The following PPP3CA variants were observed in gnomAD, a reference collection of about 807,000 sequenced individuals.
The protein encoded by PPP3CA is protein phosphatase 3 catalytic subunit alpha.
A neutral mutation model predicts 66.5 loss-of-function variants in PPP3CA; 14 were observed. That is an observed-to-expected ratio of 0.21 (90% CI 0.14 to 0.33). The LOEUF (loss-of-function observed/expected upper bound fraction) is 0.33, where lower values mean the gene tolerates loss of function less well. Among genes scored for constraint, PPP3CA ranks in the 10% least tolerant of loss-of-function variants. The probability of loss-of-function intolerance (pLI) is 1.00; values close to 1 mark genes in which losing one functional copy is unlikely to be tolerated. For synonymous variants in PPP3CA, 232 were observed against 226.2 expected, an observed-to-expected ratio of 1.03 and a Z score of -0.23; for missense variants, 317 against 639.5, an observed-to-expected ratio of 0.50 and a Z score of 5.44.
chr4:101,190,997 T>C (rs1256013156), intron 2 of PPP3CA, among the ~76,000 whole-genome samples: 1 of 152,156 alleles, frequency 6.6e-6, no homozygotes, highest in Admixed American at 6.5e-5. Context: ...AATAGTGTAG[T>C]ATAATAGCTA....
intron 2 of PPP3CA, among the ~76,000 whole-genome samples, chr4:101,195,482 T>C (rs1724760082): frequency 2.0e-5 from 3 of 152,036 alleles, no homozygotes; most frequent in Admixed American, 1.3e-4. Context: ...TTTAACAAGT[T>C]TCAAATGGTG....
At chr4:101,192,699 A>G (rs1724645470) in intron 2 of PPP3CA, among the ~76,000 whole-genome samples, 1 of 152,136 alleles carries the variant, frequency 6.6e-6, no homozygotes, top group Non-Finnish European at 1.5e-5. Context: ...ACAATTCAAT[A>G]TCATGTAATC....
At chr4:101,332,828 G>C (rs1729432087) in intron 1 of PPP3CA, among the ~76,000 whole-genome samples, 1 of 152,206 alleles carries the variant, frequency 6.6e-6, no homozygotes, top group African/African-American at 2.4e-5. Flanking sequence ...ATGGAGGACA[G>C]AGGATTTAAA....
rs1442324312 is a variant in PPP3CA, at chr4:101,168,891, CAT to C, written c.259+27023_259+27024del. 2.0e-5 allele frequency among the ~76,000 whole-genome samples: 3 copies of C among 152,264 alleles called. No homozygotes were observed. In the East Asian group the frequency reaches 5.8e-4, roughly 29 times the overall value. Reference sequence around the variant, plus strand: ...GTATCTGCTTACACATATGATGATACATGTGCTAAATCCACCATCTTAGCCTT... The same window carrying C: ...GTATCTGCTTACACATATGATGATACGTGCTAAATCCACCATCTTAGCCTT... On this transcript the variant is annotated intron_variant, in intron 2 of 13. Transcript: ENST00000394854.
chr4:101,205,325 T>A (rs1467704619), intron 1 of PPP3CA, among the ~76,000 whole-genome samples: 5 of 152,216 alleles, frequency 3.3e-5, no homozygotes, highest in Non-Finnish European at 7.4e-5. Flanking sequence ...TTTAAAAATT[T>A]ATTTATTTAT....
At chr4:101,180,921 A>C (rs1263962278) in intron 2 of PPP3CA, among the ~76,000 whole-genome samples, 2 of 152,034 alleles carry the variant, frequency 1.3e-5, no homozygotes, top group Non-Finnish European at 2.9e-5. Flanking sequence ...ACACTATATT[A>C]CTACATAATA....
At chr4:101,075,968 G>GT (rs1246251504) in intron 8 of PPP3CA, among the ~76,000 whole-genome samples, 1 of 152,148 alleles carries the variant, frequency 6.6e-6, no homozygotes, top group Non-Finnish European at 1.5e-5. Context: ...TTGGTATATA[G>GT]TAAGTTCTCA....
intron 2 of PPP3CA, among the ~76,000 whole-genome samples, chr4:101,116,245 T>C (rs981353648): frequency 3.3e-5 from 5 of 151,960 alleles, no homozygotes; most frequent in Non-Finnish European, 7.4e-5. Context: ...ATTTTCACCA[T>C]TGGAGTTCCT....
chr4:101,171,424 T>C (rs1208944205), intron 2 of PPP3CA, among the ~76,000 whole-genome samples: 1 of 151,846 alleles, frequency 6.6e-6, no homozygotes, highest in East Asian at 1.9e-4. Flanking sequence ...AACTTGCCTG[T>C]GAAGTTCCGC....
intron 6 of PPP3CA, among the ~76,000 whole-genome samples, chr4:101,092,574 T>C (rs1332688196): frequency 6.6e-6 from 1 of 152,078 alleles, no homozygotes; most frequent in Non-Finnish European, 1.5e-5. Flanking sequence ...ATACTAATAA[T>C]ATCCTTCCCC....
intron 8 of PPP3CA, among the ~76,000 whole-genome samples, chr4:101,080,157 T>G (rs1729371044): frequency 6.6e-6 from 1 of 152,228 alleles, no homozygotes; most frequent in Non-Finnish European, 1.5e-5. Context: ...ATTTTTTATT[T>G]TTCTTGATCC....
rs962494697 is a variant in PPP3CA at position 101,339,575 on chromosome 4, C to G, written c.58+7164G>C. 3.9e-5 allele frequency among the ~76,000 whole-genome samples: 6 copies of G among 152,282 alleles called. No individual in the cohort carries two copies. The South Asian group carries it at 8.3e-4, about 21-fold the overall frequency. The stretch of plus-strand genomic sequence containing the variant: ...GATTGGGCTGGAGAAAGAAGCACTC[C>G]AATTCGCCAGTCACCATACAGAACC... On this transcript the variant is annotated intron_variant, in intron 1 of 13. Transcript: ENST00000394854.
chr4:101,098,443 G>A lies in PPP3CA; in HGVS notation c.566C>T (p.Ala189Val). 6.2e-7 allele frequency: 1 copy of A among 1,612,496 alleles called. No homozygotes were observed. Among genetic ancestry groups the A allele is most frequent in the Non-Finnish European group, 8.5e-7 (1 of 1,179,132 alleles). Residue 189 changes from alanine (A) to valine (V), a missense_variant, in exon 5 of 14, where the codon GCC becomes GTC. Transcript: ENST00000394854. The stretch of plus-strand genomic sequence containing the variant: ...ACACAGGAACTGTTGGTTCATCAGG[G>A]CAGCCAGGGGAAGGCAGTCAAAGGC... ...MDAFDCLPLAALMNQQFLCVH... is the reference protein window; with the variant it reads ...MDAFDCLPLAVLMNQQFLCVH...
At chr4:101,199,303 T>C (rs1724897493) in intron 1 of PPP3CA, among the ~76,000 whole-genome samples, 1 of 152,194 alleles carries the variant, frequency 6.6e-6, no homozygotes, top group South Asian at 2.1e-4. Flanking sequence ...CTACGCTTAA[T>C]ACAACAAAAT....
At chr4:101,303,978 T>C (rs932525975) in intron 1 of PPP3CA, among the ~76,000 whole-genome samples, 4 of 152,200 alleles carry the variant, frequency 2.6e-5, no homozygotes, top group African/African-American at 9.6e-5. Flanking sequence ...TTTTGTTCCA[T>C]TAATGTGCTG....
intron 1 of PPP3CA, among the ~76,000 whole-genome samples, chr4:101,239,841 T>C (rs1389443282): frequency 2.6e-5 from 4 of 151,966 alleles, no homozygotes; most frequent in Non-Finnish European, 4.4e-5. Context: ...AGGGATTCCA[T>C]AGGCATGAAA....
chr4:101,175,246 A>G (rs1314700130), intron 2 of PPP3CA, among the ~76,000 whole-genome samples: 2 of 152,196 alleles, frequency 1.3e-5, no homozygotes, highest in Admixed American at 6.5e-5. Flanking sequence ...CTGAGAAATT[A>G]AAGGGAAGAC....
intron 2 of PPP3CA, among the ~76,000 whole-genome samples, chr4:101,124,729 A>AAGAGAGAGAG (rs1722170552): frequency 1.8e-5 from 1 of 54,350 alleles, no homozygotes; most frequent in Non-Finnish European, 3.8e-5. Flanking sequence ...AAGAAAGAGA[A>AAGAGAGAGAG]AGAAAGAAAG....
chr4:101,311,812 T>C (rs1359025871), intron 1 of PPP3CA, among the ~76,000 whole-genome samples: 1 of 152,142 alleles, frequency 6.6e-6, no homozygotes, highest in Non-Finnish European at 1.5e-5. Context: ...CTCAGTATGA[T>C]GCTGCAATTT....
Sources: allele counts gnomAD v4.1 joint callset (sites outside exome capture counted in the v4.1 genomes callset), GRCh38; gene constraint gnomAD v4.1.1; transcripts MANE v1.5; gene names NCBI Gene and HGNC (gene_info 2026-07-23, HGNC 2026-07-21).